GOSR2: variants seen among roughly 807,000 people sequenced by gnomAD.
The protein encoded by GOSR2 is golgi SNAP receptor complex member 2.
A neutral mutation model predicts 27.9 loss-of-function variants in GOSR2; 20 were observed. The observed-to-expected ratio is 0.72, with a 90% confidence interval of 0.50 to 1.04. GOSR2 has a LOEUF of 1.04. Among genes scored for constraint, GOSR2 ranks in the 50% least tolerant of loss-of-function variants. The probability of loss-of-function intolerance (pLI) is 0.00; values close to 1 mark genes in which losing one functional copy is unlikely to be tolerated. For missense variants in GOSR2, 261 were observed against 270.5 expected, an observed-to-expected ratio of 0.97 and a Z score of 0.25; for synonymous variants, 91 against 98.8, an observed-to-expected ratio of 0.92 and a Z score of 0.47.
chr17:46,926,025 C>T (rs2086440973), intron 1 of GOSR2, among the ~76,000 whole-genome samples: 1 of 152,154 alleles, frequency 6.6e-6, no homozygotes. Flanking sequence ...TGGACCTTAT[C>T]GTATGTCCAG....
downstream of GOSR2, among the ~76,000 whole-genome samples, chr17:46,942,677 A>G (rs1273427077): frequency 7.2e-5 from 11 of 152,220 alleles, no homozygotes. Flanking sequence ...GGGAATCTGA[A>G]GTGAAAGCTG....
At position 46,957,742 on chromosome 17, in the gene GOSR2, G is replaced by A. The variant is rs1467479058; in HGVS notation, c.584-8792G>A. ...AGAAGGGAATTGATGGCAGCCCCAGGATGCAGTTTGAACCTGTATTTGGTA... is the reference window on the plus strand; with the variant it reads ...AGAAGGGAATTGATGGCAGCCCCAGAATGCAGTTTGAACCTGTATTTGGTA... On this transcript the variant is annotated intron_variant, in intron 6 of 6. Coordinates refer to the GOSR2 transcript ENST00000573224. Among the ~76,000 whole-genome samples, 5 of 152,326 alleles carry A rather than the reference G, an allele frequency of 3.3e-5. No individual in the cohort carries two copies. The East Asian group carries it at 9.6e-4, about 29-fold the overall frequency.
chr17:46,961,830 G>A (rs758725369), intron 6 of GOSR2, among the ~76,000 whole-genome samples: 1 of 152,178 alleles, frequency 6.6e-6, no homozygotes, highest in Non-Finnish European at 1.5e-5. Flanking sequence ...AATGCCTACT[G>A]TATGCAGAGC....
intron 6 of GOSR2, among the ~76,000 whole-genome samples, chr17:46,962,910 A>C (rs1336302060): frequency 6.6e-6 from 1 of 152,210 alleles, no homozygotes; most frequent in African/African-American, 2.4e-5. Flanking sequence ...CTAACTCATC[A>C]TTTTCATCAA....
downstream of GOSR2, among the ~76,000 whole-genome samples, chr17:46,942,927 C>G (rs1323722740): frequency 6.6e-6 from 1 of 152,218 alleles, no homozygotes; most frequent in African/African-American, 2.4e-5. Flanking sequence ...GCCATCCCTC[C>G]CCGCCTCATC....
intron 6 of GOSR2, chr17:46,949,050 C>T (rs1298909792): frequency 6.6e-6 from 1 of 152,232 alleles, no homozygotes; most frequent in Non-Finnish European, 1.5e-5. Context: ...CACCACAAAA[C>T]ATAGGGGCTG....
At chr17:46,963,830 T>C (rs1307022097) in intron 6 of GOSR2, 1 of 152,168 alleles carries the variant, frequency 6.6e-6, no homozygotes, top group Non-Finnish European at 1.5e-5. Context: ...TTTTTGTTTT[T>C]AAAGAGAATA....
chr17:46,974,422 A>G (rs890015238), intron 6 of GOSR2, among the ~76,000 whole-genome samples: 15 of 152,104 alleles, frequency 9.9e-5, no homozygotes, highest in African/African-American at 2.2e-4. Flanking sequence ...CCTCTTACCA[A>G]TGTGTTGTGG....
At chr17:46,956,232 T>C (rs2147267285) in intron 6 of GOSR2, among the ~76,000 whole-genome samples, 1 of 149,598 alleles carries the variant, frequency 6.7e-6, no homozygotes, top group East Asian at 2.0e-4. Context: ...CCCTCTGGGG[T>C]AGAAATCTCT....
At chr17:46,950,659 T>A (rs1460324953) in intron 6 of GOSR2, among the ~76,000 whole-genome samples, 1 of 152,060 alleles carries the variant, frequency 6.6e-6, no homozygotes, top group Non-Finnish European at 1.5e-5. Context: ...GCTGACAGGA[T>A]GGGGCTGCCC....
intron 4 of GOSR2, 56 bp from the exon 5 acceptor site, chr17:46,934,973 A>T: frequency 6.5e-7 from 1 of 1,529,336 alleles, no homozygotes; most frequent in Non-Finnish European, 9.1e-7. Context: ...GAGCAGTGAG[A>T]CCCCAGGAAC....
intron 5 of GOSR2, 159 bp downstream of exon 5, chr17:46,935,328 G>A (rs770380484): frequency 3.5e-5 from 52 of 1,496,842 alleles, no homozygotes; most frequent in South Asian, 9.6e-5. Context: ...TTGGAGTTGA[G>A]TTATTGTGAG....
rs1157651887 is a variant in GOSR2 at position 46,941,254 on chromosome 17, ACCCTTTG to A, written c.*2499_*2505del. 1.0e-6 allele frequency: 1 copy of A among 990,964 alleles called. No individual in the cohort carries two copies. Among genetic ancestry groups the A allele is most frequent in the African/African-American group, 1.7e-5 (1 of 57,262 alleles). The allele number at this position is 990,964 out of a possible 1,614,324, so 61.4% of individuals were successfully genotyped here. ...TAGACTTCACTGCGGAGTTCTGTAC[ACCCTTTG>A]CCCTGATGAATTTGAATGGGTTTGA... On this transcript the variant is annotated 3_prime_UTR_variant, in exon 6 of 6. Transcript: ENST00000640051.
At chr17:46,950,333 T>A (rs919476379) in intron 6 of GOSR2, among the ~76,000 whole-genome samples, 28 of 151,472 alleles carry the variant, frequency 1.8e-4, no homozygotes, top group African/African-American at 6.6e-4. Context: ...GCTGAGGAGG[T>A]GGCAGAGGCA....
chr17:46,923,173 T>C lies in GOSR2; in HGVS notation c.-20T>C. 6.6e-7 allele frequency: 1 copy of C among 1,510,626 alleles called. No homozygotes were observed. Among genetic ancestry groups the C allele is most frequent in the Non-Finnish European group, 9.0e-7 (1 of 1,109,924 alleles). The allele number at this position is 1,510,626 out of a possible 1,614,324, so 93.6% of individuals were successfully genotyped here. On this transcript the variant is annotated 5_prime_UTR_variant, in exon 1 of 6. Transcript: ENST00000640051. Reference sequence around the variant, plus strand: ...TCCGAGGAAGCCAGAGCCGGAGCCGTGGCCTGCGGGGCCGGCGACATGGAT... The same window carrying C: ...TCCGAGGAAGCCAGAGCCGGAGCCGCGGCCTGCGGGGCCGGCGACATGGAT...
chr17:46,972,726 C>T (rs753684554), intron 6 of GOSR2, among the ~76,000 whole-genome samples: 5 of 152,168 alleles, frequency 3.3e-5, no homozygotes, highest in South Asian at 2.1e-4. Context: ...CACTGGCTGA[C>T]GCTGGCTACC....
intron 1 of GOSR2, among the ~76,000 whole-genome samples, chr17:46,927,981 C>T (rs1468741511): frequency 1.3e-5 from 2 of 152,156 alleles, no homozygotes; most frequent in South Asian, 2.1e-4. Flanking sequence ...TTTCTGTCCC[C>T]GTTACCCTCC....
intron 6 of GOSR2, chr17:46,964,279 A>G (rs1307740764): frequency 6.6e-6 from 1 of 152,288 alleles, no homozygotes; most frequent in Non-Finnish European, 1.5e-5. Flanking sequence ...GAATCAGGCT[A>G]GGACACATTG....
chr17:46,973,178 G>A (rs2091410610), intron 6 of GOSR2: 1 of 153,698 alleles, frequency 6.5e-6, no homozygotes, highest in African/African-American at 2.4e-5. Context: ...GCCGGATGAG[G>A]GCCATTTCTG....
Sources: allele counts gnomAD v4.1 joint callset (sites outside exome capture counted in the v4.1 genomes callset), GRCh38; gene constraint gnomAD v4.1.1; transcripts MANE v1.5; gene names NCBI Gene and HGNC (gene_info 2026-07-23, HGNC 2026-07-21).